ZMIZ1: variants seen among roughly 807,000 people sequenced by gnomAD.
The protein encoded by ZMIZ1 is zinc finger MIZ domain-containing protein 1.
Under a neutral mutation model 113.9 loss-of-function variants are expected in ZMIZ1, and 17 were observed. The ratio of observed to expected loss-of-function variants is 0.15; its 90% CI spans 0.10 to 0.22. ZMIZ1 has a LOEUF of 0.22. Among genes scored for constraint, ZMIZ1 ranks in the 10% least tolerant of loss-of-function variants. The probability of loss-of-function intolerance (pLI) is 1.00; values close to 1 mark genes in which losing one functional copy is unlikely to be tolerated. For missense variants in ZMIZ1, 1,059 were observed against 1,477.8 expected, an observed-to-expected ratio of 0.72 and a Z score of 4.65; for synonymous variants, 607 against 603.1, an observed-to-expected ratio of 1.01 and a Z score of -0.09.
intron 6 of ZMIZ1, among the ~76,000 whole-genome samples, chr10:79,215,305 T>C (rs1211472344): frequency 6.6e-6 from 1 of 151,244 alleles, no homozygotes; most frequent in Non-Finnish European, 1.5e-5. Flanking sequence ...ATCACCGCTT[T>C]TTTTTTTTTT....
chr10:79,184,090 T>C (rs989752425), intron 4 of ZMIZ1, among the ~76,000 whole-genome samples: 2 of 152,218 alleles, frequency 1.3e-5, no homozygotes, highest in Non-Finnish European at 2.9e-5. Flanking sequence ...ACAGGGCCTC[T>C]GGTTCAGAGC....
chr10:79,074,619 T>C (rs1842409245), intron 1 of ZMIZ1, among the ~76,000 whole-genome samples: 1 of 152,238 alleles, frequency 6.6e-6, no homozygotes, highest in African/African-American at 2.4e-5. Flanking sequence ...GTGCTCTTCC[T>C]TGGGTTCCTA....
At chr10:79,090,905 G>A (rs1278407363) in intron 1 of ZMIZ1, among the ~76,000 whole-genome samples, 2 of 152,186 alleles carry the variant, frequency 1.3e-5, no homozygotes, top group African/African-American at 2.4e-5. Flanking sequence ...TGGCCTCATC[G>A]CCAGGTCAAG....
At chr10:79,260,977 C>A (rs1201302693) in intron 7 of ZMIZ1, among the ~76,000 whole-genome samples, 1 of 152,186 alleles carries the variant, frequency 6.6e-6, no homozygotes, top group African/African-American at 2.4e-5. Context: ...TCTGCCTAGC[C>A]TGCAGCTGAC....
chr10:79,139,932 C>A (rs1239492749), intron 3 of ZMIZ1, among the ~76,000 whole-genome samples, 155 bp downstream of exon 3: 2 of 152,206 alleles, frequency 1.3e-5, no homozygotes, highest in Non-Finnish European at 2.9e-5. Flanking sequence ...TGCAGGGCCT[C>A]TCTATAACTC....
chr10:79,183,556 C>T (rs1349693258), intron 4 of ZMIZ1, among the ~76,000 whole-genome samples: 1 of 152,152 alleles, frequency 6.6e-6, no homozygotes, highest in African/African-American at 2.4e-5. Context: ...ACGGTATCCC[C>T]ATGGTTGGAG....
At chr10:79,100,717 A>C (rs1180798226) in intron 1 of ZMIZ1, among the ~76,000 whole-genome samples, 1 of 152,116 alleles carries the variant, frequency 6.6e-6, no homozygotes, top group Admixed American at 6.5e-5. Context: ...CATGAGGCTC[A>C]TTGCTGGCAG....
chr10:79,158,940 G>A (rs1299848862), intron 3 of ZMIZ1, among the ~76,000 whole-genome samples: 1 of 152,238 alleles, frequency 6.6e-6, no homozygotes, highest in Non-Finnish European at 1.5e-5. Context: ...CAGATGCACT[G>A]TGAGAGTGAG....
chr10:79,312,810 C>A lies in ZMIZ1; in HGVS notation c.*61C>A. 6.5e-7 allele frequency: 1 copy of A among 1,534,664 alleles called. No individual in the cohort carries two copies. The highest frequency in any genetic ancestry group is 9.0e-7 in the Non-Finnish European group (1 of 1,110,276). ...CATCCTACCCCACCTACCCAACACA[C>A]TTTTCCACCTGGGAGCCTGTGCCCT... On this transcript the variant is annotated 3_prime_UTR_variant, in exon 25 of 25. Transcript: ENST00000334512.
At chr10:79,267,089 G>T (rs1396301075) in intron 7 of ZMIZ1, among the ~76,000 whole-genome samples, 2 of 152,258 alleles carry the variant, frequency 1.3e-5, no homozygotes, top group Non-Finnish European at 2.9e-5. Flanking sequence ...GGAGGAAGGG[G>T]TCTGCCTAGA....
intron 1 of ZMIZ1, among the ~76,000 whole-genome samples, chr10:79,093,226 G>T (rs1175967779): frequency 6.7e-6 from 1 of 149,966 alleles, no homozygotes. Context: ...CAGTTTATGT[G>T]CATTATCTCA....
At chr10:79,301,060 G>T in intron 17 of ZMIZ1, 118 bp downstream of exon 17, 1 of 1,418,128 alleles carries the variant, frequency 7.1e-7, no homozygotes. Flanking sequence ...CACCACCCCC[G>T]TGCCCACAGC....
intron 7 of ZMIZ1, among the ~76,000 whole-genome samples, chr10:79,230,874 CAA>C (rs1185300197): frequency 6.6e-6 from 1 of 152,222 alleles, no homozygotes; most frequent in Non-Finnish European, 1.5e-5. Context: ...AGGAGAAAAA[CAA>C]AAGAGAAGAA....
chr10:79,163,907 C>T (rs1846212277), intron 4 of ZMIZ1, among the ~76,000 whole-genome samples: 3 of 152,362 alleles, frequency 2.0e-5, no homozygotes, highest in South Asian at 2.1e-4. Flanking sequence ...TTCTCCTTCA[C>T]GGTGGGTTCT....
chr10:79,150,006 C>A (rs1275224827), intron 3 of ZMIZ1, among the ~76,000 whole-genome samples: 1 of 152,234 alleles, frequency 6.6e-6, no homozygotes, highest in East Asian at 1.9e-4. Context: ...CTCCAGCCCC[C>A]AGAAAGCATT....
intron 1 of ZMIZ1, among the ~76,000 whole-genome samples, chr10:79,102,481 T>TG (rs1564651352): frequency 6.6e-6 from 1 of 152,116 alleles, no homozygotes; most frequent in Non-Finnish European, 1.5e-5. Flanking sequence ...TGGGTGTGTG[T>TG]GGGGGTCTCA....
At chr10:79,249,390 C>T (rs111807369) in intron 7 of ZMIZ1, among the ~76,000 whole-genome samples, 3,578 of 152,284 alleles carry the variant, frequency 0.023, 138 homozygotes, top group African/African-American at 0.081. Flanking sequence ...CTGGGTGCTG[C>T]GTAAATGTCT....
At chr10:79,191,593 C>T (rs1847606272) in intron 4 of ZMIZ1, among the ~76,000 whole-genome samples, 1 of 152,220 alleles carries the variant, frequency 6.6e-6, no homozygotes, top group African/African-American at 2.4e-5. Flanking sequence ...GGGCCTGTGA[C>T]TCCCTATCTT....
At chr10:79,284,705 G>C (rs1255568820) in intron 8 of ZMIZ1, among the ~76,000 whole-genome samples, 2 of 152,194 alleles carry the variant, frequency 1.3e-5, no homozygotes, top group Non-Finnish European at 2.9e-5. Context: ...AAAGTAACAT[G>C]TCCAAGGCCA....
Sources: gnomAD v4.1 joint callset for allele counts (sites outside exome capture counted in the v4.1 genomes callset) on GRCh38, gnomAD v4.1.1 for gene constraint, MANE v1.5 for transcripts, NCBI Gene and HGNC (gene_info 2026-07-23, HGNC 2026-07-21) for gene names.